EIF5: variants seen among roughly 807,000 people sequenced by gnomAD.
EIF5 encodes eukaryotic translation initiation factor 5.
A neutral mutation model predicts 48.3 loss-of-function variants in EIF5; 10 were observed. That is an observed-to-expected ratio of 0.21 (90% CI 0.13 to 0.35). The LOEUF is 0.35. Among genes scored for constraint, EIF5 ranks in the 10% least tolerant of loss-of-function variants. The pLI, the probability that EIF5 is intolerant of heterozygous loss-of-function variation, is 1.00. For synonymous variants in EIF5, 237 were observed against 173.1 expected, an observed-to-expected ratio of 1.37 and a Z score of -2.90; for missense variants, 397 against 533.2, an observed-to-expected ratio of 0.74 and a Z score of 2.51.
rs1566723192 is a variant in EIF5 at position 103,340,418 on chromosome 14, A to AC, written c.1072-9_1072-8insC. On this transcript the variant is annotated splice_polypyrimidine_tract_variant and intron_variant, in intron 10 of 11. Transcript: ENST00000216554. ...CCTCAACTAAGAGACTTGTACTCAC[A>AC]TTTTTTAGGCCTCTAAGAAATATGT... The AC allele has an allele frequency of 1.3e-6, 2 of 1,596,998 alleles. No individual in the cohort carries two copies. The highest frequency in any genetic ancestry group is 1.7e-6 in the Non-Finnish European group (2 of 1,165,780).
Position 103,338,121 on chromosome 14 carries a change from G to A in EIF5, c.440-206G>A, listed in dbSNP as rs1465507442. The A allele has an allele frequency of 4.1e-6, 3 of 738,078 alleles. No homozygotes were observed. In the East Asian group the frequency reaches 7.6e-5, roughly 19 times the overall value. The allele number at this position is 738,078 out of a possible 1,614,324, so 45.7% of individuals were successfully genotyped here. A position where few individuals can be genotyped will look rare whatever the true frequency, so the allele number is the denominator to read the frequency against. On this transcript the variant is annotated intron_variant, in intron 6 of 11. Coordinates refer to ENST00000216554, the MANE Select transcript of EIF5 (RefSeq NM_001969.5). The stretch of plus-strand genomic sequence containing the variant: ...AGTTACAATACCCCTAATATTTTGT[G>A]TCACTCCATTCTTAGACTAACATTC...
chr14:103,340,859 A>T (rs1484876109), intron 11 of EIF5, 104 bp from the exon 12 acceptor site: 3 of 1,128,682 alleles, frequency 2.7e-6, no homozygotes, highest in Non-Finnish European at 3.9e-6. Flanking sequence ...AAGAAGAAAT[A>T]GCTGCATCTA....
chr14:103,337,629 T>G (rs1381192919), intron 6 of EIF5: 1 of 326,836 alleles, frequency 3.1e-6, no homozygotes, highest in South Asian at 2.6e-5. Context: ...TTTTAGTCCT[T>G]GTACTATATT....
chr14:103,341,147 G>T lies in EIF5; in HGVS notation c.*95G>T. On this transcript the variant is annotated 3_prime_UTR_variant, in exon 12 of 12. Coordinates refer to ENST00000216554, the MANE Select transcript of EIF5 (RefSeq NM_001969.5). ...ACATGTATGTGCAAAAGCTAAAATG[G>T]CTTAACATCATGCTACACTTTACAC... The T allele has an allele frequency of 9.0e-7, 1 of 1,115,616 alleles. No homozygotes were observed. The allele number at this position is 1,115,616 out of a possible 1,614,324, so 69.1% of individuals were successfully genotyped here.
chr14:103,338,039 C>T, intron 6 of EIF5: 2 of 575,326 alleles, frequency 3.5e-6, no homozygotes, highest in Non-Finnish European at 6.5e-6. Context: ...GACAGGGATC[C>T]TTAGGGCCAC....
intron 6 of EIF5, chr14:103,338,094 G>A (rs1424037263): frequency 1.5e-6 from 1 of 650,996 alleles, no homozygotes; most frequent in Non-Finnish European, 2.7e-6. Flanking sequence ...CTCTTTCTTA[G>A]CAGTTACAAT....
In EIF5 at chr14:103,335,794, A is replaced by G. The variant is rs2089277831; in HGVS notation, c.-67A>G. ...TTATGTCATCCCTTCTTCTCCAGAC[A>G]GAAGATACCAAAAAGTTGCAATCAA... On this transcript the variant is annotated 5_prime_UTR_variant, in exon 3 of 12. Coordinates refer to ENST00000216554, the MANE Select transcript of EIF5 (RefSeq NM_001969.5). The G allele has an allele frequency of 2.4e-5, 37 of 1,561,006 alleles. 1 individual carries two copies. The highest frequency in any genetic ancestry group is 3.0e-5 in the Non-Finnish European group (34 of 1,132,370).
chr14:103,340,576 A>T lies in EIF5; in HGVS notation c.1206+15A>T, dbSNP rs1566723336. The T allele has an allele frequency of 6.2e-7, 1 of 1,605,716 alleles. No individual in the cohort carries two copies. Among genetic ancestry groups the T allele is most frequent in the East Asian group, 2.2e-5 (1 of 44,630 alleles). ...AGAACATTGAGGTAAACATTGGGGGAGGAGGGTATTGGATACAGTGCTGGC... is the reference window on the plus strand; with the variant it reads ...AGAACATTGAGGTAAACATTGGGGGTGGAGGGTATTGGATACAGTGCTGGC... On this transcript the variant is annotated intron_variant, in intron 11 of 11. Coordinates refer to ENST00000216554, the MANE Select transcript of EIF5 (RefSeq NM_001969.5).
At position 103,338,448 on chromosome 14, in the gene EIF5, A is replaced by C; in HGVS notation, c.561A>C (p.Glu187Asp). 1 of 1,580,570 alleles carries C rather than the reference A, an allele frequency of 6.3e-7. No individual in the cohort carries two copies. The highest frequency in any genetic ancestry group is 8.6e-7 in the Non-Finnish European group (1 of 1,162,442). ...ETPPPPPPPN[E>D]INPPPHTMEE... ...CACCACCACCACCACCACCAAATGAAATTAATCCTCCTCCACATACAATGG... is the reference window on the plus strand; with the variant it reads ...CACCACCACCACCACCACCAAATGACATTAATCCTCCTCCACATACAATGG... Residue 187 changes from glutamate (E) to aspartate (D), a missense_variant, in exon 7 of 12, where the codon GAA becomes GAC. By Grantham distance (45) the Glu-to-Asp change is conservative (BLOSUM62 2). Transcript: ENST00000216554.
intron 10 of EIF5, 95 bp downstream of exon 10, chr14:103,339,898 G>A (rs2089333249): frequency 2.2e-6 from 3 of 1,381,428 alleles, no homozygotes; most frequent in Non-Finnish European, 2.9e-6. Context: ...TCATTCTGTT[G>A]TCCAGGCAGG....
In EIF5 at chr14:103,339,796, C is replaced by G. The variant is rs906824293; in HGVS notation, c.1064C>G (p.Ser355Trp). 42 of 1,613,696 alleles carry G rather than the reference C, an allele frequency of 2.6e-5. No homozygotes were observed. Among genetic ancestry groups the G allele is most frequent in the Non-Finnish European group, 3.5e-5 (41 of 1,179,932 alleles). Residue 355 changes from serine to tryptophan, a missense_variant, in exon 10 of 12, where the codon TCG becomes TGG. Transcript: ENST00000216554. ...LLEEEVIISW[S>W]EKASKKYVSK... The stretch of plus-strand genomic sequence containing the variant: ...GAAGAAGAGGTCATCATCAGCTGGT[C>G]GGAAAAGGTGGGGAATACATAGGTG...
chr14:103,340,991 C>G lies in EIF5; in HGVS notation c.1235C>G (p.Pro412Arg). 2 of 1,614,040 alleles carry G rather than the reference C, an allele frequency of 1.2e-6. No individual in the cohort carries two copies. The highest frequency in any genetic ancestry group is 1.7e-6 in the Non-Finnish European group (2 of 1,179,972). ...GTGTATTCGAAGGCTGCCAGTGTACCGAAAGTTGAGACTGTAAAGTCAGAC... is the reference window on the plus strand; with the variant it reads ...GTGTATTCGAAGGCTGCCAGTGTACGGAAAGTTGAGACTGTAAAGTCAGAC... ...EVVYSKAASV[P>R]KVETVKSDNK... The change falls in exon 12 of 12, where the codon CCG (proline) becomes CGG (arginine). Residue 412 changes from proline (P) to arginine (R), a missense_variant. Around this residue, in one of 4 missense-constraint regions of EIF5, gnomAD observed 160 missense variants for 184.8 expected, o/e 0.87. Coordinates refer to ENST00000216554, the MANE Select transcript of EIF5 (RefSeq NM_001969.5).
intron 4 of EIF5, chr14:103,336,432 T>C: frequency 1.8e-6 from 1 of 553,078 alleles, no homozygotes; most frequent in South Asian, 2.3e-5. Context: ...AATACAAAAA[T>C]TAGCCAGGCG....
intron 10 of EIF5, 47 bp downstream of exon 10, chr14:103,339,850 G>GT (rs1359037138): frequency 7.0e-6 from 11 of 1,572,170 alleles, no homozygotes; most frequent in African/African-American, 1.4e-5. Flanking sequence ...GTTTTGGGGG[G>GT]TTTTTTTGTT....
In EIF5 at chr14:103,338,301, ATTTTTATTTCC is replaced by A; in HGVS notation, c.440-25_440-15del. ...GAGGTAATGTAAGTTATGGGGTTAA[ATTTTTATTTCC>A]CTTTTTTTCTGTAGAGAATAGTGAC... On this transcript the variant is annotated splice_polypyrimidine_tract_variant and intron_variant, in intron 6 of 11. Transcript: ENST00000216554. 1 of 1,607,024 alleles carries A rather than the reference ATTTTTATTTCC, an allele frequency of 6.2e-7. No homozygotes were observed. Among genetic ancestry groups the A allele is most frequent in the South Asian group, 1.1e-5 (1 of 90,482 alleles).
At chr14:103,337,585 G>C in intron 6 of EIF5, 1 of 336,140 alleles carries the variant, frequency 3.0e-6, no homozygotes, top group Non-Finnish European at 5.6e-6. Context: ...TTGGGCAACA[G>C]CGACTCTGTC....
chr14:103,338,208 T>C, intron 6 of EIF5, 119 bp from the exon 7 acceptor site: 3 of 1,358,190 alleles, frequency 2.2e-6, no homozygotes, highest in Non-Finnish European at 3.0e-6. Flanking sequence ...TTGTGTGTGC[T>C]GTGTGGTTTT....
chr14:103,337,671 A>G (rs1595363435), intron 6 of EIF5: 1 of 349,554 alleles, frequency 2.9e-6, no homozygotes, highest in Non-Finnish European at 5.6e-6. Flanking sequence ...TCAAAAGTGT[A>G]TTGTTAATTA....
At chr14:103,339,081 A>G in intron 8 of EIF5, 91 bp from the exon 9 acceptor site, 6 of 1,509,548 alleles carry the variant, frequency 4.0e-6, no homozygotes, top group Non-Finnish European at 5.3e-6. Flanking sequence ...TAGGCAGGAA[A>G]AATATGTTCA....
Sources: allele counts gnomAD v4.1 joint callset, GRCh38; gene constraint gnomAD v4.1.1; regional missense constraint gnomAD v4.1.1; transcripts MANE v1.5; gene names NCBI Gene and HGNC (gene_info 2026-07-23, HGNC 2026-07-21).